CCDC126: variants seen among roughly 807,000 people sequenced by gnomAD.
The protein encoded by CCDC126 is coiled-coil domain containing 126, also known as coiled-coil domain-containing protein 126.
Under a neutral mutation model 11.7 loss-of-function variants are expected in CCDC126, and 5 were observed. The ratio of observed to expected loss-of-function variants is 0.43; its 90% CI spans 0.22 to 0.90. The LOEUF is 0.90. Ranked by LOEUF, CCDC126 falls within the 40% of genes least tolerant of loss-of-function variation. The pLI is 0.27. For missense variants in CCDC126, 150 were observed against 163.1 expected, an observed-to-expected ratio of 0.92 and a Z score of 0.44; for synonymous variants, 60 against 61.9, an observed-to-expected ratio of 0.97 and a Z score of 0.14.
Position 23,643,235 on chromosome 7 carries a change from C to T in CCDC126, c.*120C>T. ...TTACAATAAAAGCTCTACACATTTT[C>T]AAGGAGTATGCTGGATTCATGGAAC... On this transcript the variant is annotated 3_prime_UTR_variant, in exon 4 of 4. Transcript: ENST00000307471. 8 of 860,320 alleles carry T rather than the reference C, an allele frequency of 9.3e-6. No homozygotes were observed. Among genetic ancestry groups the T allele is most frequent in the African/African-American group, 8.6e-5 (5 of 58,230 alleles). 53.3% of individuals were successfully genotyped at this position (860,320 alleles called of 1,614,324 possible).
At chr7:23,635,778 T>G (rs1200604721) in intron 3 of CCDC126, among the ~76,000 whole-genome samples, 1 of 152,234 alleles carries the variant, frequency 6.6e-6, no homozygotes, top group Non-Finnish European at 1.5e-5. Context: ...GTGATTAGAC[T>G]GCACCTTTAT....
At chr7:23,635,612 G>A (rs1783195877) in intron 3 of CCDC126, among the ~76,000 whole-genome samples, 1 of 152,128 alleles carries the variant, frequency 6.6e-6, no homozygotes, top group African/African-American at 2.4e-5. Flanking sequence ...TAATCTCTTA[G>A]TCTCTTTTTT....
intron 2 of CCDC126, among the ~76,000 whole-genome samples, chr7:23,599,934 A>G (rs1458129006): frequency 4.0e-5 from 6 of 150,498 alleles, no homozygotes; most frequent in Non-Finnish European, 7.4e-5. Flanking sequence ...ACAGGCATGC[A>G]CCACCATGCC....
chr7:23,610,497 AGCCACT>A (rs570158761), intron 2 of CCDC126, among the ~76,000 whole-genome samples: 23 of 152,226 alleles, frequency 1.5e-4, no homozygotes, highest in Non-Finnish European at 3.1e-4. Flanking sequence ...TACAAGTGTA[AGCCACT>A]GCCCCTGGTC....
chr7:23,609,064 G>T (rs900871335), intron 2 of CCDC126, among the ~76,000 whole-genome samples: 2 of 152,074 alleles, frequency 1.3e-5, no homozygotes, highest in Admixed American at 1.3e-4. Flanking sequence ...CTAGTTCAGG[G>T]TTTGCAGAAT....
At chr7:23,608,792 C>T (rs900353480) in intron 2 of CCDC126, among the ~76,000 whole-genome samples, 1 of 152,204 alleles carries the variant, frequency 6.6e-6, no homozygotes, top group African/African-American at 2.4e-5. Context: ...GAGTTTAATT[C>T]ATGCAGAGCC....
chr7:23,637,949 C>T (rs1252529784), intron 3 of CCDC126, among the ~76,000 whole-genome samples: 150 of 122,826 alleles, frequency 1.2e-3, no homozygotes, highest in Non-Finnish European at 2.3e-3. Flanking sequence ...CCAGCCGCCC[C>T]GTCCGGGAGG....
chr7:23,635,941 T>C (rs1783201040), intron 3 of CCDC126, among the ~76,000 whole-genome samples: 1 of 152,108 alleles, frequency 6.6e-6, no homozygotes, highest in Non-Finnish European at 1.5e-5. Flanking sequence ...GAGCCAAAGC[T>C]GGACGGTACT....
At chr7:23,623,096 C>T (rs985891637) in intron 3 of CCDC126, among the ~76,000 whole-genome samples, 3 of 151,234 alleles carry the variant, frequency 2.0e-5, no homozygotes, top group Non-Finnish European at 4.4e-5. Flanking sequence ...GCCTTAGCCT[C>T]CCAACTGGCT....
intron 2 of CCDC126, among the ~76,000 whole-genome samples, chr7:23,608,588 C>G (rs939585183): frequency 1.3e-5 from 2 of 152,094 alleles, no homozygotes; most frequent in Non-Finnish European, 2.9e-5. Context: ...AGAGATTGGA[C>G]ACCCCTAAGT....
intron 2 of CCDC126, among the ~76,000 whole-genome samples, chr7:23,608,150 G>T (rs1321257463): frequency 1.3e-5 from 2 of 152,242 alleles, no homozygotes; most frequent in African/African-American, 4.8e-5. Context: ...CCAGGGTGGA[G>T]TTTTCAGCCC....
intron 2 of CCDC126, among the ~76,000 whole-genome samples, chr7:23,599,669 A>G (rs888546015): frequency 6.6e-6 from 1 of 152,092 alleles, no homozygotes; most frequent in Non-Finnish European, 1.5e-5. Flanking sequence ...CATGTTGGTC[A>G]GGCTGGTCTT....
At chr7:23,637,802 G>T (rs1455955044) in intron 3 of CCDC126, among the ~76,000 whole-genome samples, 1 of 97,458 alleles carries the variant, frequency 1.0e-5, no homozygotes, top group African/African-American at 3.4e-5. Context: ...AGGCGGGGAG[G>T]GGGGGGTCGG....
At chr7:23,598,203 A>G (rs1782462782) in intron 2 of CCDC126, 152 bp downstream of exon 2, 1 of 152,222 alleles carries the variant, frequency 6.6e-6, no homozygotes, top group African/African-American at 2.4e-5. Context: ...GAGTTTTCTC[A>G]TCCATCAAAA....
intron 2 of CCDC126, chr7:23,598,539 C>T (rs1367616732): frequency 6.6e-6 from 1 of 152,200 alleles, no homozygotes. Flanking sequence ...TCACCTCTCC[C>T]CTCCCCCTCA....
At chr7:23,634,905 G>A (rs1485555415) in intron 3 of CCDC126, among the ~76,000 whole-genome samples, 1 of 152,158 alleles carries the variant, frequency 6.6e-6, no homozygotes, top group Non-Finnish European at 1.5e-5. Flanking sequence ...AGGGATGATA[G>A]TAGCTTCCTG....
chr7:23,607,191 T>C (rs1782637975), intron 2 of CCDC126, among the ~76,000 whole-genome samples: 1 of 152,228 alleles, frequency 6.6e-6, no homozygotes, highest in Non-Finnish European at 1.5e-5. Context: ...AAAATTAATA[T>C]AGTGGCCTAG....
chr7:23,619,562 A>C (rs1047659322), intron 3 of CCDC126: 46 of 253,134 alleles, frequency 1.8e-4, no homozygotes, highest in African/African-American at 9.9e-4. Flanking sequence ...AACTTTATTT[A>C]TTTTTTCTTT....
At chr7:23,625,262 G>A (rs1458928782) in intron 3 of CCDC126, among the ~76,000 whole-genome samples, 2 of 152,166 alleles carry the variant, frequency 1.3e-5, no homozygotes, top group African/African-American at 4.8e-5. Flanking sequence ...TGAAATATAT[G>A]TGTGTGTATA....
Sources: gnomAD v4.1 joint callset for allele counts (sites outside exome capture counted in the v4.1 genomes callset) on GRCh38, gnomAD v4.1.1 for gene constraint, MANE v1.5 for transcripts, NCBI Gene and HGNC (gene_info 2026-07-23, HGNC 2026-07-21) for gene names.